AQP11: variants seen among roughly 807,000 people sequenced by gnomAD.
AQP11 encodes aquaporin-11.
Under a neutral mutation model 21.1 loss-of-function variants are expected in AQP11, and 20 were observed. The ratio of observed to expected loss-of-function variants is 0.95; its 90% confidence interval spans 0.67 to 1.38. The LOEUF (loss-of-function observed/expected upper bound fraction) is 1.38. Ranked by LOEUF, AQP11 falls within the 40% of genes most tolerant of loss-of-function variation. The probability of loss-of-function intolerance (pLI) is 0.00; values close to 1 mark genes in which losing one functional copy is unlikely to be tolerated. For missense variants in AQP11, 339 were observed against 340.4 expected, an observed-to-expected ratio of 1.00 and a Z score of 0.03; for synonymous variants, 167 against 150.1, an observed-to-expected ratio of 1.11 and a Z score of -0.82.
chr11:77,590,014 C>A lies in AQP11; in HGVS notation c.22C>A (p.Arg8=). The A allele has an allele frequency of 6.6e-7, 1 of 1,507,648 alleles. No individual in the cohort carries two copies. The highest frequency in any genetic ancestry group is 1.4e-5 in the African/African-American group (1 of 70,882). 93.4% of individuals were successfully genotyped at this position (1,507,648 alleles called of 1,614,324 possible). Reference sequence around the variant, plus strand: ...AGCCATGTCGCCGCTGCTGGGGCTCCGGTCCGAGCTGCAGGACACCTGCAC... The same window carrying A: ...AGCCATGTCGCCGCTGCTGGGGCTCAGGTCCGAGCTGCAGGACACCTGCAC... MSPLLGL[R]SELQDTCTSL... The change falls in exon 1 of 3, where the codon CGG becomes AGG. Residue 8 remains arginine, a synonymous_variant. Coordinates refer to ENST00000313578, the MANE Select transcript of AQP11 (RefSeq NM_173039.3).
intron 2 of AQP11, among the ~76,000 whole-genome samples, chr11:77,607,365 C>T (rs1401154259): frequency 6.6e-6 from 1 of 151,986 alleles, no homozygotes; most frequent in African/African-American, 2.4e-5. Flanking sequence ...AAACAAACAC[C>T]ACTCAACTAC....
At chr11:77,597,383 C>A (rs1477129968) in intron 1 of AQP11, among the ~76,000 whole-genome samples, 1 of 152,104 alleles carries the variant, frequency 6.6e-6, no homozygotes, top group Non-Finnish European at 1.5e-5. Context: ...ACCAGCCTGG[C>A]CAAAATGGCG....
intron 1 of AQP11, among the ~76,000 whole-genome samples, chr11:77,593,327 CTTAA>C (rs1263924637): frequency 1.3e-5 from 2 of 152,212 alleles, no homozygotes; most frequent in Admixed American, 6.5e-5. Flanking sequence ...TGAGAGTTAT[CTTAA>C]TTAATTCTTA....
At chr11:77,605,129 C>T (rs1590786781) in intron 2 of AQP11, among the ~76,000 whole-genome samples, 1 of 152,090 alleles carries the variant, frequency 6.6e-6, no homozygotes, top group Admixed American at 6.5e-5. Flanking sequence ...GGAGGCGGAG[C>T]TTGCAGTGAG....
rs1958869515 is a variant in AQP11, at chr11:77,610,257, C to A, written c.*880C>A. The A allele has an allele frequency of 6.6e-6, 1 of 152,126 alleles. No homozygotes were observed. Among genetic ancestry groups the A allele is most frequent in the Non-Finnish European group, 1.5e-5 (1 of 68,028 alleles). The allele number at this position is 152,126 out of a possible 1,614,324, so 9.4% of individuals were successfully genotyped here. On this transcript the variant is annotated 3_prime_UTR_variant, in exon 3 of 3. Coordinates refer to ENST00000313578, the MANE Select transcript of AQP11 (RefSeq NM_173039.3). Reference sequence around the variant, plus strand: ...GTCACGATTATGACTAAAGGGAAATCAAGGGTTCATAGAAACATTAAATAC... The same window carrying A: ...GTCACGATTATGACTAAAGGGAAATAAAGGGTTCATAGAAACATTAAATAC...
At chr11:77,595,523 A>T (rs1405262993) in intron 1 of AQP11, among the ~76,000 whole-genome samples, 4 of 152,240 alleles carry the variant, frequency 2.6e-5, no homozygotes, top group Admixed American at 2.6e-4. Context: ...ATTTGTCATA[A>T]CATATATCAA....
intron 1 of AQP11, among the ~76,000 whole-genome samples, chr11:77,596,444 T>TAAAAAAA (rs66671315): frequency 8.4e-6 from 1 of 119,126 alleles, no homozygotes; most frequent in African/African-American, 3.6e-5. Context: ...ATGTCTCAAT[T>TAAAAAAA]AAAAAAAAAA....
At chr11:77,592,877 T>C (rs982318203) in intron 1 of AQP11, among the ~76,000 whole-genome samples, 1 of 152,220 alleles carries the variant, frequency 6.6e-6, no homozygotes, top group East Asian at 1.9e-4. Context: ...TAAACGTCCT[T>C]GTTCTGGGCC....
At chr11:77,590,875 G>T (rs557428184) in intron 1 of AQP11, 4 of 985,408 alleles carry the variant, frequency 4.1e-6, no homozygotes, top group South Asian at 9.4e-5. Flanking sequence ...CAAGGGTTCA[G>T]ATATCCTACA....
intron 1 of AQP11, among the ~76,000 whole-genome samples, chr11:77,599,948 A>T (rs548171219): frequency 6.6e-6 from 1 of 151,754 alleles, no homozygotes; most frequent in African/African-American, 2.4e-5. Flanking sequence ...ATGATATATT[A>T]TTACTGTTAT....
At chr11:77,600,911 C>A (rs1328964585) in intron 1 of AQP11, among the ~76,000 whole-genome samples, 1 of 151,426 alleles carries the variant, frequency 6.6e-6, no homozygotes, top group African/African-American at 2.4e-5. Flanking sequence ...ACTCGGGAGG[C>A]TGAGGCAGGA....
At chr11:77,594,417 G>A (rs548732540) in intron 1 of AQP11, among the ~76,000 whole-genome samples, 27 of 152,266 alleles carry the variant, frequency 1.8e-4, no homozygotes, top group Non-Finnish European at 2.6e-4. Context: ...TCTTGTCTAG[G>A]AGTGTGTAGC....
At chr11:77,606,789 G>A (rs1958849266) in intron 2 of AQP11, among the ~76,000 whole-genome samples, 1 of 152,126 alleles carries the variant, frequency 6.6e-6, no homozygotes, top group Non-Finnish European at 1.5e-5. Flanking sequence ...TAGAAACGGG[G>A]TTTCTATGTT....
chr11:77,603,737 T>C lies in AQP11; in HGVS notation c.736+65T>C, dbSNP rs1958829005. The C allele has an allele frequency of 4.3e-6, 5 of 1,173,140 alleles. No homozygotes were observed. The South Asian group carries it at 8.8e-5, about 21-fold the overall frequency. The allele number at this position is 1,173,140 out of a possible 1,614,324, so 72.7% of individuals were successfully genotyped here. On this transcript the variant is annotated intron_variant, in intron 2 of 2. Transcript: ENST00000313578. ...TATTTTAAAATATGATATGTGTATA[T>C]CATTGTAACATGTCAATTTCCAAAG...
chr11:77,598,410 A>G (rs1271251068), intron 1 of AQP11, among the ~76,000 whole-genome samples: 2 of 152,206 alleles, frequency 1.3e-5, no homozygotes, highest in East Asian at 3.9e-4. Context: ...TCCCGGTTAT[A>G]CCTCTTCTTC....
chr11:77,599,776 G>A (rs1958804762), intron 1 of AQP11, among the ~76,000 whole-genome samples: 1 of 151,194 alleles, frequency 6.6e-6, no homozygotes, highest in Non-Finnish European at 1.5e-5. Flanking sequence ...GTAGAGATGG[G>A]GGTTTTGCTA....
chr11:77,592,508 T>A (rs1958754871), intron 1 of AQP11, among the ~76,000 whole-genome samples: 1 of 152,218 alleles, frequency 6.6e-6, no homozygotes, highest in African/African-American at 2.4e-5. Flanking sequence ...TTAACTACAG[T>A]TGGATTTTTC....
intron 1 of AQP11, among the ~76,000 whole-genome samples, chr11:77,591,950 TA>T (rs1454267384): frequency 6.6e-6 from 1 of 151,776 alleles, no homozygotes; most frequent in African/African-American, 2.4e-5. Context: ...TAAGTAGACA[TA>T]AATGGAAATA....
intron 2 of AQP11, among the ~76,000 whole-genome samples, chr11:77,607,255 ACT>A (rs1474099671): frequency 6.6e-6 from 1 of 152,196 alleles, no homozygotes; most frequent in Admixed American, 6.6e-5. Context: ...ACATTATATA[ACT>A]CTGAAAAGAA....
Sources: gnomAD v4.1 joint callset for allele counts (sites outside exome capture counted in the v4.1 genomes callset) on GRCh38, gnomAD v4.1.1 for gene constraint, MANE v1.5 for transcripts, NCBI Gene and HGNC (gene_info 2026-07-23, HGNC 2026-07-21) for gene names.